Variants in STT3B observed in about 807,000 individuals in gnomAD.
STT3B encodes dolichyl-diphosphooligosaccharide--protein glycosyltransferase subunit STT3B.
In STT3B, 29 loss-of-function variants were observed where a neutral mutation model predicts 96.8. The ratio of observed to expected loss-of-function variants is 0.30; its 90% CI spans 0.22 to 0.41. The LOEUF (loss-of-function observed/expected upper bound fraction) is 0.41. Ranked by LOEUF, STT3B falls within the 10% of genes least tolerant of loss-of-function variation. STT3B has a pLI of 1.00. For missense variants in STT3B, 640 were observed against 1,022.3 expected, an observed-to-expected ratio of 0.63 and a Z score of 5.10; for synonymous variants, 367 against 360.0, an observed-to-expected ratio of 1.02 and a Z score of -0.22.
Position 31,636,089 on chromosome 3 carries a change from G to C in STT3B, c.*25G>C. ...AATGCACTGTTCTGGTTCCTAACTT[G>C]AAGCAGTTGTCCTTGTGAGAACCGG... On this transcript the variant is annotated 3_prime_UTR_variant, in exon 16 of 16. Transcript: ENST00000295770. The C allele has an allele frequency of 6.4e-7, 1 of 1,556,994 alleles. No homozygotes were observed. The highest frequency in any genetic ancestry group is 1.2e-5 in the South Asian group (1 of 82,678).
intron 1 of STT3B, among the ~76,000 whole-genome samples, chr3:31,541,671 G>A (rs892729374): frequency 2.4e-4 from 36 of 151,972 alleles, no homozygotes; most frequent in Admixed American, 9.2e-4. Context: ...CCACCTCTTG[G>A]GTTCATGTCA....
At chr3:31,556,206 A>G (rs1285384167) in intron 1 of STT3B, among the ~76,000 whole-genome samples, 1 of 151,798 alleles carries the variant, frequency 6.6e-6, no homozygotes, top group Non-Finnish European at 1.5e-5. Flanking sequence ...CTCCAGTTCC[A>G]TCCATGTTGC....
At chr3:31,571,987 T>C (rs147281541) in intron 1 of STT3B, among the ~76,000 whole-genome samples, 2,589 of 118,934 alleles carry the variant, frequency 0.022, 29 homozygotes, top group Non-Finnish European at 0.035. Context: ...CAATATTAAA[T>C]ATATTAATAC....
chr3:31,606,135 G>T (rs1699048043), intron 5 of STT3B, among the ~76,000 whole-genome samples: 1 of 152,116 alleles, frequency 6.6e-6, no homozygotes, highest in Admixed American at 6.5e-5. Flanking sequence ...AGGTGACTTG[G>T]GTACTGTTAA....
At chr3:31,597,613 C>T (rs753568246) in intron 4 of STT3B, among the ~76,000 whole-genome samples, 2 of 152,012 alleles carry the variant, frequency 1.3e-5, no homozygotes, top group East Asian at 1.9e-4. Context: ...TGTGCCACCA[C>T]GCCTGGCTAA....
intron 3 of STT3B, among the ~76,000 whole-genome samples, chr3:31,582,781 T>A (rs1698440530): frequency 6.6e-6 from 1 of 152,186 alleles, no homozygotes; most frequent in Non-Finnish European, 1.5e-5. Flanking sequence ...TATTTTCTCA[T>A]TTTTATTTTT....
intron 1 of STT3B, among the ~76,000 whole-genome samples, chr3:31,559,614 A>G (rs370407650): frequency 2.4e-4 from 36 of 151,974 alleles, no homozygotes; most frequent in Admixed American, 6.6e-4. Flanking sequence ...TTTGTGTTCT[A>G]TTGTATGGTC....
chr3:31,598,378 A>C (rs1698841645), intron 4 of STT3B, among the ~76,000 whole-genome samples: 1 of 152,098 alleles, frequency 6.6e-6, no homozygotes, highest in Admixed American at 6.5e-5. Flanking sequence ...TTATCTAAAC[A>C]GTTTAGTGAA....
chr3:31,574,697 C>T (rs1230968615), intron 1 of STT3B, among the ~76,000 whole-genome samples: 1 of 151,990 alleles, frequency 6.6e-6, no homozygotes, highest in Non-Finnish European at 1.5e-5. Flanking sequence ...TTTAAAATTC[C>T]CCTCAGAAAT....
intron 1 of STT3B, among the ~76,000 whole-genome samples, chr3:31,567,319 T>A (rs1698029959): frequency 6.6e-6 from 1 of 152,208 alleles, no homozygotes. Flanking sequence ...TCACCATCAT[T>A]GATCAAAGCT....
At chr3:31,621,414 TAAG>T (rs574323069) in intron 9 of STT3B, among the ~76,000 whole-genome samples, 21 of 152,258 alleles carry the variant, frequency 1.4e-4, no homozygotes, top group African/African-American at 3.9e-4. Flanking sequence ...GATACACACT[TAAG>T]AATATGATGC....
intron 1 of STT3B, among the ~76,000 whole-genome samples, chr3:31,551,701 C>G (rs1050545434): frequency 2.0e-5 from 3 of 152,130 alleles, no homozygotes; most frequent in African/African-American, 7.2e-5. Flanking sequence ...GGGTTATTTT[C>G]AAGAGAGCCT....
intron 3 of STT3B, among the ~76,000 whole-genome samples, chr3:31,586,595 T>C (rs1698542980): frequency 6.6e-6 from 1 of 152,122 alleles, no homozygotes; most frequent in African/African-American, 2.4e-5. Context: ...GTTGTTGGGT[T>C]TGAATGTTAG....
At chr3:31,535,420 C>T (rs1208892559) in intron 1 of STT3B, among the ~76,000 whole-genome samples, 1 of 150,154 alleles carries the variant, frequency 6.7e-6, no homozygotes, top group Non-Finnish European at 1.5e-5. Context: ...AATTCTTTTT[C>T]ATGCACATGA....
At chr3:31,581,530 A>T (rs1436993771) in intron 3 of STT3B, among the ~76,000 whole-genome samples, 1 of 152,212 alleles carries the variant, frequency 6.6e-6, no homozygotes, top group Non-Finnish European at 1.5e-5. Flanking sequence ...AGCACATTAC[A>T]TTCATGAATA....
intron 2 of STT3B, among the ~76,000 whole-genome samples, chr3:31,577,270 G>A (rs1414114484): frequency 6.6e-6 from 1 of 151,578 alleles, no homozygotes; most frequent in Admixed American, 6.6e-5. Context: ...TCTTGAGATG[G>A]TTTCTCAGTA....
At chr3:31,563,022 C>T (rs1697918241) in intron 1 of STT3B, among the ~76,000 whole-genome samples, 1 of 152,062 alleles carries the variant, frequency 6.6e-6, no homozygotes, top group South Asian at 2.1e-4. Context: ...GAATGTAGAC[C>T]TTAGGGGGTC....
chr3:31,566,296 A>G (rs939040180), intron 1 of STT3B, among the ~76,000 whole-genome samples: 1 of 152,180 alleles, frequency 6.6e-6, no homozygotes, highest in African/African-American at 2.4e-5. Context: ...TGTGGGCACC[A>G]GAGTCAAAGC....
At chr3:31,561,562 C>G (rs955624098) in intron 1 of STT3B, among the ~76,000 whole-genome samples, 7 of 152,022 alleles carry the variant, frequency 4.6e-5, no homozygotes, top group African/African-American at 1.7e-4. Flanking sequence ...ATCCCCACCT[C>G]CCCACCAAAC....
Sources: gnomAD v4.1 joint callset for allele counts (sites outside exome capture counted in the v4.1 genomes callset) on GRCh38, gnomAD v4.1.1 for gene constraint, MANE v1.5 for transcripts, NCBI Gene and HGNC (gene_info 2026-07-23, HGNC 2026-07-21) for gene names.